CYRIB: variants seen among roughly 807,000 people sequenced by gnomAD.
The protein encoded by CYRIB is CYFIP-related Rac1 interactor B.
A neutral mutation model predicts 44.2 loss-of-function variants in CYRIB; 8 were observed. The observed-to-expected ratio is 0.18, with a 90% CI of 0.11 to 0.33. The LOEUF (loss-of-function observed/expected upper bound fraction) is 0.33. Among genes scored for constraint, CYRIB ranks in the 10% least tolerant of loss-of-function variants. The pLI, the probability that CYRIB is intolerant of heterozygous loss-of-function variation, is 1.00. For synonymous variants in CYRIB, 131 were observed against 127.2 expected (o/e 1.03, Z -0.20); for missense variants, 185 against 382.8 (o/e 0.48, Z 4.31).
At chr8:129,988,254 G>A (rs1449682901) in intron 1 of CYRIB, among the ~76,000 whole-genome samples, 1 of 152,134 alleles carries the variant, frequency 6.6e-6, no homozygotes, top group Non-Finnish European at 1.5e-5. Context: ...GGTGTCTTCC[G>A]GCCGGCTCTC....
Position 129,995,709 on chromosome 8 carries a change from C to T in CYRIB, c.-296+20661G>A, listed in dbSNP as rs537359649. 2.0e-4 allele frequency among the ~76,000 whole-genome samples: 30 copies of T among 152,276 alleles called. No individual in the cohort carries two copies. In the South Asian group the frequency reaches 2.5e-3, roughly 13 times the overall value. ...CAGATGTTTTTTAGCATTTGCTGGG[C>T]ATCACAGATTTCTAAACACACACAC... On this transcript the variant is annotated intron_variant, in intron 1 of 14. Coordinates refer to the CYRIB transcript ENST00000401979.
intron 3 of CYRIB, among the ~76,000 whole-genome samples, chr8:129,873,922 A>G (rs1440628047): frequency 6.6e-6 from 1 of 152,092 alleles, no homozygotes; most frequent in East Asian, 1.9e-4. Context: ...AGTCACATTT[A>G]TAATTTTGAA....
intron 1 of CYRIB, among the ~76,000 whole-genome samples, chr8:129,987,318 A>C (rs548384311): frequency 2.1e-4 from 32 of 152,266 alleles, no homozygotes; most frequent in African/African-American, 7.5e-4. Context: ...TGTCACTTGC[A>C]ACATAACGCT....
At chr8:130,006,746 T>A (rs1260915735) in intron 1 of CYRIB, among the ~76,000 whole-genome samples, 1 of 143,916 alleles carries the variant, frequency 6.9e-6, no homozygotes, top group Non-Finnish European at 1.5e-5. Context: ...ATGAGCAGAT[T>A]AAAGAAATCC....
chr8:129,973,950 A>T (rs2095816873), intron 1 of CYRIB, among the ~76,000 whole-genome samples: 1 of 152,130 alleles, frequency 6.6e-6, no homozygotes, highest in Non-Finnish European at 1.5e-5. Context: ...TTAAGCTTTA[A>T]GCTACCTGAG....
At position 130,011,780 on chromosome 8, in the gene CYRIB, C is replaced by T. The variant is rs537897854; in HGVS notation, c.-296+4590G>A. Among the ~76,000 whole-genome samples the T allele has an allele frequency of 6.6e-5, 10 of 152,112 alleles. No individual in the cohort carries two copies. In the South Asian group the frequency reaches 1.5e-3, roughly 22 times the overall value. On this transcript the variant is annotated intron_variant, in intron 1 of 14. Transcript: ENST00000401979. The stretch of plus-strand genomic sequence containing the variant: ...TCCGGGAGGCGGAGCTTGCAGTGAG[C>T]CGAGATCGCACCACTGCACTCCAGC...
chr8:130,006,614 A>ATATATATATATATATATATATATG (rs1486190434), intron 1 of CYRIB, among the ~76,000 whole-genome samples: 1 of 16,624 alleles, frequency 6.0e-5, no homozygotes, highest in Non-Finnish European at 3.0e-4. Flanking sequence ...ATACATATAT[A>ATATATATATATATATATATATATG]TGTGTATATA....
intron 1 of CYRIB, among the ~76,000 whole-genome samples, chr8:129,920,840 G>T (rs755311098): frequency 2.6e-5 from 4 of 152,006 alleles, no homozygotes; most frequent in Non-Finnish European, 5.9e-5. Flanking sequence ...TCACTGTTTA[G>T]TTTACTATTT....
At chr8:129,945,129 G>T (rs573593560) in intron 2 of CYRIB, among the ~76,000 whole-genome samples, 1 of 152,216 alleles carries the variant, frequency 6.6e-6, no homozygotes, top group Non-Finnish European at 1.5e-5. Context: ...CTGGGCAACC[G>T]CATTGCTGTA....
At chr8:129,845,399 G>T (rs552561605) in intron 11 of CYRIB, among the ~76,000 whole-genome samples, 1 of 152,326 alleles carries the variant, frequency 6.6e-6, no homozygotes, top group South Asian at 2.1e-4. Context: ...AAAGACTCAT[G>T]ATATCATTAA....
chr8:129,867,287 CTTTTTTT>C (rs747961490), intron 4 of CYRIB, among the ~76,000 whole-genome samples: 1 of 131,124 alleles, frequency 7.6e-6, no homozygotes, highest in African/African-American at 2.8e-5. Flanking sequence ...CCACACCTGG[CTTTTTTT>C]TTTTTTTTTT....
At chr8:129,851,955 C>T (rs2043482108) in intron 8 of CYRIB, 1 of 389,402 alleles carries the variant, frequency 2.6e-6, no homozygotes, top group Non-Finnish European at 4.5e-6. Context: ...TCAGCTATCA[C>T]TGAGGTTTCC....
chr8:129,843,326 C>T (rs1056800339), intron 11 of CYRIB, among the ~76,000 whole-genome samples: 8 of 152,240 alleles, frequency 5.3e-5, no homozygotes, highest in African/African-American at 1.9e-4. Flanking sequence ...GGTGTGCTGC[C>T]ACTTAAGTTT....
At chr8:129,979,858 G>A (rs1212592717) in intron 1 of CYRIB, among the ~76,000 whole-genome samples, 1 of 152,014 alleles carries the variant, frequency 6.6e-6, no homozygotes, top group African/African-American at 2.4e-5. Flanking sequence ...GAGGCGGAGG[G>A]TGCAATGAGC....
intron 2 of CYRIB, among the ~76,000 whole-genome samples, chr8:129,881,172 C>T (rs1020138372): frequency 6.6e-6 from 1 of 152,110 alleles, no homozygotes; most frequent in African/African-American, 2.4e-5. Context: ...ATAAATGTTG[C>T]CCAAGATTTC....
At chr8:129,914,634 T>C (rs932685694) in intron 1 of CYRIB, among the ~76,000 whole-genome samples, 1 of 152,186 alleles carries the variant, frequency 6.6e-6, no homozygotes, top group Non-Finnish European at 1.5e-5. Flanking sequence ...AACACTTTAG[T>C]TTTCAAGGTT....
intron 1 of CYRIB, among the ~76,000 whole-genome samples, chr8:129,907,807 C>T (rs1019128922): frequency 2.0e-5 from 3 of 151,942 alleles, no homozygotes; most frequent in Non-Finnish European, 4.4e-5. Context: ...TTTGAGACCA[C>T]CCTGGCCAAC....
chr8:130,011,828 A>G (rs553201021), intron 1 of CYRIB, among the ~76,000 whole-genome samples: 4 of 151,978 alleles, frequency 2.6e-5, no homozygotes, highest in East Asian at 1.9e-4. Flanking sequence ...GCGAGACTCC[A>G]TCTCAAAACT....
chr8:129,978,314 C>T (rs551511940), intron 1 of CYRIB, among the ~76,000 whole-genome samples: 3 of 152,288 alleles, frequency 2.0e-5, no homozygotes, highest in East Asian at 1.9e-4. Context: ...ATTTAATATT[C>T]GATCAGCCAA....
Sources: gnomAD v4.1 joint callset for allele counts (sites outside exome capture counted in the v4.1 genomes callset) on GRCh38, gnomAD v4.1.1 for gene constraint, MANE v1.5 for transcripts, NCBI Gene and HGNC (gene_info 2026-07-23, HGNC 2026-07-21) for gene names.